Variants in SGO1 observed in about 807,000 individuals in gnomAD.
SGO1 encodes serologically defined breast cancer antigen NY-BR-85.
A neutral mutation model predicts 50.5 loss-of-function variants in SGO1; 39 were observed. The ratio of observed to expected loss-of-function variants is 0.77; its 90% CI spans 0.60 to 1.01. SGO1 has a LOEUF of 1.01. Ranked by LOEUF, SGO1 falls within the 50% of genes least tolerant of loss-of-function variation. SGO1 has a pLI of 0.00. For missense variants in SGO1, 638 were observed against 606.0 expected (o/e 1.05, Z -0.55); for synonymous variants, 191 against 205.1 (o/e 0.93, Z 0.59).
chr3:20,166,606 A>G (rs1700315725), downstream of SGO1, among the ~76,000 whole-genome samples: 1 of 152,062 alleles, frequency 6.6e-6, no homozygotes, highest in Non-Finnish European at 1.5e-5. Flanking sequence ...TGATTGTTCA[A>G]TGGGTATAGA....
intron 3 of SGO1, among the ~76,000 whole-genome samples, chr3:20,183,251 A>G (rs1702229117): frequency 6.6e-6 from 1 of 152,234 alleles, no homozygotes; most frequent in Admixed American, 6.5e-5. Flanking sequence ...AAACTTTTGG[A>G]TAAGTCCACT....
At chr3:20,183,834 A>G in intron 2 of SGO1, 30 bp from the exon 3 acceptor site, 1 of 1,603,358 alleles carries the variant, frequency 6.2e-7, no homozygotes, top group Non-Finnish European at 8.5e-7. Context: ...TTTATCAGTT[A>G]TTAAATCTAA....
chr3:20,165,828 AAT>A (rs879294067), downstream of SGO1, among the ~76,000 whole-genome samples: 2 of 152,138 alleles, frequency 1.3e-5, no homozygotes, highest in African/African-American at 4.8e-5. Context: ...AAGGCAGGCG[AAT>A]CACTTGATGT....
chr3:20,182,143 T>C (rs1575249561), intron 3 of SGO1, among the ~76,000 whole-genome samples: 2 of 152,174 alleles, frequency 1.3e-5, no homozygotes, highest in African/African-American at 2.4e-5. Flanking sequence ...CTAATCTTTA[T>C]AGAGGCAGTT....
intron 5 of SGO1, 53 bp downstream of exon 5, chr3:20,176,548 T>C: frequency 9.0e-7 from 1 of 1,105,044 alleles, no homozygotes; most frequent in African/African-American, 1.6e-5. Flanking sequence ...TTATTTGTTC[T>C]CAAAGACCTT....
At chr3:20,171,807 A>G (rs567681525) in intron 6 of SGO1, among the ~76,000 whole-genome samples, 1 of 152,306 alleles carries the variant, frequency 6.6e-6, no homozygotes, top group East Asian at 1.9e-4. Flanking sequence ...CTCTGTGTAC[A>G]CCAGGAGAAA....
At chr3:20,171,257 T>C in intron 6 of SGO1, 25 bp from the exon 7 acceptor site, 2 of 1,518,740 alleles carry the variant, frequency 1.3e-6, no homozygotes, top group Admixed American at 2.4e-5. Context: ...TTACTGAATA[T>C]GATTTAAAAA....
Position 20,174,801 on chromosome 3 carries a change from T to C in SGO1, c.730A>G (p.Asn244Asp). 1 of 1,614,108 alleles carries C rather than the reference T, an allele frequency of 6.2e-7. No individual in the cohort carries two copies. Among genetic ancestry groups the C allele is most frequent in the Non-Finnish European group, 8.5e-7 (1 of 1,180,008 alleles). Residue 244 changes from asparagine (N) to aspartate (D), a missense_variant, in exon 6 of 8, where the codon AAT becomes GAT. By Grantham distance (23) the Asn-to-Asp change is conservative. Transcript: ENST00000412997. ...TGGTCCTTGCTCCATTGACAAGCATTGTGTTGTACATTTTCAGGTATGTGC... is the reference window on the plus strand; with the variant it reads ...TGGTCCTTGCTCCATTGACAAGCATCGTGTTGTACATTTTCAGGTATGTGC... ...NMHIPENVQHNACQWSKDQVN... is the reference protein window; with the variant it reads ...NMHIPENVQHDACQWSKDQVN...
At chr3:20,185,210 G>A (rs940847076) in intron 1 of SGO1, among the ~76,000 whole-genome samples, 15 of 152,140 alleles carry the variant, frequency 9.9e-5, no homozygotes, top group South Asian at 2.1e-4. Flanking sequence ...ACGGTAAAGG[G>A]GTTGTTTTAC....
intron 5 of SGO1, 57 bp downstream of exon 5, chr3:20,176,544 G>T: frequency 1.9e-6 from 2 of 1,032,436 alleles, no homozygotes; most frequent in Non-Finnish European, 1.4e-6. Flanking sequence ...TGTATTATTT[G>T]TTCTCAAAGA....
chr3:20,161,332 T>A (rs1395638543), intron 8 of SGO1: 1 of 1,389,646 alleles, frequency 7.2e-7, no homozygotes, highest in Non-Finnish European at 9.4e-7. Context: ...GAGCTCACAA[T>A]AAAAAATTAG....
chr3:20,176,942 A>G (rs760098777), intron 4 of SGO1, among the ~76,000 whole-genome samples: 5 of 152,208 alleles, frequency 3.3e-5, no homozygotes, highest in Non-Finnish European at 5.9e-5. Flanking sequence ...AACTACGGAA[A>G]CAGCCCATGA....
intron 3 of SGO1, among the ~76,000 whole-genome samples, chr3:20,180,050 A>G (rs544124373): frequency 3.9e-5 from 6 of 152,272 alleles, no homozygotes; most frequent in Admixed American, 3.9e-4. Flanking sequence ...TAATCCTAGC[A>G]TTTAGGGAGG....
At position 20,174,414 on chromosome 3, in the gene SGO1, C is replaced by T. The variant is rs749863162; in HGVS notation, c.1117G>A (p.Gly373Ser). The change falls in exon 6 of 8, where the codon GGT (glycine) becomes AGT (serine). Residue 373 changes from glycine to serine, a missense_variant. Coordinates refer to ENST00000412997, the MANE Select transcript of SGO1 (RefSeq NM_001199251.3). The part of the protein sequence containing the change: ...ESEVSLCESS[G>S]SGDDSDDLYL... ...AGGTCATCGGAATCATCTCCTGAAC[C>T]ACTTGATTCACAGAGGCTCACTTCA... 3 of 1,614,118 alleles carry T rather than the reference C, an allele frequency of 1.9e-6. No individual in the cohort carries two copies. In the South Asian group the frequency reaches 3.3e-5, roughly 18 times the overall value.
At chr3:20,183,506 A>G (rs1338836610) in intron 3 of SGO1, 102 bp downstream of exon 3, 21 of 970,430 alleles carry the variant, frequency 2.2e-5, no homozygotes, top group African/African-American at 5.0e-5. Flanking sequence ...CAATTCATGC[A>G]TAACTGAGCT....
downstream of SGO1, among the ~76,000 whole-genome samples, chr3:20,165,403 C>T (rs902790201): frequency 1.3e-5 from 2 of 152,054 alleles, no homozygotes; most frequent in Admixed American, 6.5e-5. Flanking sequence ...TTTGGAGGAA[C>T]CAAATTGTAG....
At chr3:20,173,734 A>C (rs1701040181) in intron 6 of SGO1, among the ~76,000 whole-genome samples, 1 of 152,196 alleles carries the variant, frequency 6.6e-6, no homozygotes. Flanking sequence ...CCTACTTTTG[A>C]TCTAATAAAA....
chr3:20,169,477 C>G, downstream of SGO1: 1 of 980,238 alleles, frequency 1.0e-6, no homozygotes, highest in Non-Finnish European at 1.2e-6. Flanking sequence ...AGAAGGAAAG[C>G]AATCACTATC....
At chr3:20,165,357 C>T (rs942447366), downstream of SGO1, among the ~76,000 whole-genome samples, 5 of 152,058 alleles carry the variant, frequency 3.3e-5, no homozygotes, top group Admixed American at 3.3e-4. Context: ...CTATTAGATC[C>T]CCCAGCAACA....
Sources: gnomAD v4.1 joint callset for allele counts (sites outside exome capture counted in the v4.1 genomes callset) on GRCh38, gnomAD v4.1.1 for gene constraint, MANE v1.5 for transcripts, NCBI Gene and HGNC (gene_info 2026-07-23, HGNC 2026-07-21) for gene names.